ZNF486: variants seen among roughly 807,000 people sequenced by gnomAD.
The protein encoded by ZNF486 is KRAB box only protein 2.
Under a neutral mutation model 12.8 loss-of-function variants are expected in ZNF486, and 12 were observed. The ratio of observed to expected loss-of-function variants is 0.94; its 90% CI spans 0.60 to 1.52. The LOEUF is 1.52. Among genes scored for constraint, ZNF486 ranks in the 40% most tolerant of loss-of-function variants. The pLI, the probability that ZNF486 is intolerant of heterozygous loss-of-function variation, is 0.00. For missense variants in ZNF486, 738 were observed against 545.0 expected, an observed-to-expected ratio of 1.35 and a Z score of -3.53; for synonymous variants, 231 against 184.9, an observed-to-expected ratio of 1.25 and a Z score of -2.02.
chr19:20,183,718 A>G (rs1257450308), intron 1 of ZNF486, among the ~76,000 whole-genome samples: 2 of 152,064 alleles, frequency 1.3e-5, no homozygotes. Context: ...TATGCAGCTG[A>G]TATGCATAAA....
chr19:20,175,926 C>T (rs2089704822), intron 1 of ZNF486, among the ~76,000 whole-genome samples: 1 of 151,876 alleles, frequency 6.6e-6, no homozygotes, highest in Admixed American at 6.5e-5. Flanking sequence ...AGGCGCCCCT[C>T]ACCTCCCGGA....
At chr19:20,183,446 C>G (rs1242689856) in intron 1 of ZNF486, among the ~76,000 whole-genome samples, 1 of 152,172 alleles carries the variant, frequency 6.6e-6, no homozygotes, top group Non-Finnish European at 1.5e-5. Context: ...CTTAAAATTA[C>G]TACTAAAAAT....
At chr19:20,190,973 T>G (rs1327574282) in intron 3 of ZNF486, among the ~76,000 whole-genome samples, 1 of 152,166 alleles carries the variant, frequency 6.6e-6, no homozygotes, top group Non-Finnish European at 1.5e-5. Flanking sequence ...TACACTCTAT[T>G]AATTCAAATG....
At chr19:20,171,326 GACCCCCTTTT>G (rs2089645574) in intron 1 of ZNF486, among the ~76,000 whole-genome samples, 1 of 152,148 alleles carries the variant, frequency 6.6e-6, no homozygotes, top group African/African-American at 2.4e-5. Context: ...TCTGATTACA[GACCCCCTTTT>G]ATTGCAGCTA....
intron 1 of ZNF486, among the ~76,000 whole-genome samples, chr19:20,170,057 A>AT (rs1266860794): frequency 1.3e-5 from 2 of 150,900 alleles, no homozygotes; most frequent in Admixed American, 6.6e-5. Flanking sequence ...CGCCCGGCTA[A>AT]TTTTTTTGTA....
intron 1 of ZNF486, 106 bp downstream of exon 1, chr19:20,167,466 C>T: frequency 3.0e-6 from 4 of 1,333,140 alleles, no homozygotes; most frequent in Admixed American, 2.1e-5. Flanking sequence ...AATCTGCGTC[C>T]GGACTTCTCC....
At chr19:20,191,093 C>CTGA (rs2122672820) in intron 3 of ZNF486, among the ~76,000 whole-genome samples, 1 of 152,258 alleles carries the variant, frequency 6.6e-6, no homozygotes, top group East Asian at 1.9e-4. Flanking sequence ...TGTAAGTTTC[C>CTGA]TGAGGCCCTC....
chr19:20,177,934 T>C (rs2089740143), intron 1 of ZNF486, among the ~76,000 whole-genome samples: 1 of 150,392 alleles, frequency 6.6e-6, no homozygotes, highest in Non-Finnish European at 1.5e-5. Context: ...AAACATTTGT[T>C]CTTTTTTTTT....
At chr19:20,175,144 TTCA>T (rs1243564903) in intron 1 of ZNF486, 93 of 152,342 alleles carry the variant, frequency 6.1e-4, no homozygotes, top group African/African-American at 2.1e-3. Flanking sequence ...GCCACCTTTC[TTCA>T]TAATGCTCAT....
intron 1 of ZNF486, among the ~76,000 whole-genome samples, chr19:20,170,561 G>C (rs2089637933): frequency 6.6e-6 from 1 of 151,784 alleles, no homozygotes; most frequent in African/African-American, 2.4e-5. Flanking sequence ...GCAGCAGAGT[G>C]AGACTTCATC....
At chr19:20,174,236 A>G (rs1401082507) in intron 1 of ZNF486, among the ~76,000 whole-genome samples, 1 of 152,122 alleles carries the variant, frequency 6.6e-6, no homozygotes, top group Non-Finnish European at 1.5e-5. Context: ...TTATACTGCA[A>G]AAAGAAGAAC....
rs949340062 is a variant in ZNF486 at position 20,200,109 on chromosome 19, T to A, written c.*2007T>A. On this transcript the variant is annotated 3_prime_UTR_variant, in exon 4 of 4. Coordinates refer to ENST00000335117, the MANE Select transcript of ZNF486 (RefSeq NM_052852.4). ...AAGTGTATTTGTTTCCTTAAAAAAA[T>A]TTTTCTGAAAAGTGGGTAATGACAT... 34 of 151,956 alleles carry A rather than the reference T, an allele frequency of 2.2e-4. No homozygotes were observed. Among genetic ancestry groups the A allele is most frequent in the Non-Finnish European group, 4.1e-4 (28 of 68,014 alleles). The allele number at this position is 151,956 out of a possible 1,614,324, so 9.4% of individuals were successfully genotyped here.
chr19:20,187,756 G>T (rs1438995351), intron 3 of ZNF486, among the ~76,000 whole-genome samples: 2 of 152,018 alleles, frequency 1.3e-5, no homozygotes, highest in African/African-American at 4.8e-5. Flanking sequence ...ATCCGCCTCG[G>T]CCTCCCAAAG....
intron 2 of ZNF486, 67 bp from the exon 3 acceptor site, chr19:20,185,920 A>AGC (rs2089839140): frequency 4.2e-6 from 4 of 942,056 alleles, no homozygotes; most frequent in Non-Finnish European, 5.9e-6. Context: ...CTTTCTGCTG[A>AGC]GCACATTACT....
intron 1 of ZNF486, among the ~76,000 whole-genome samples, chr19:20,180,170 A>G (rs1036993457): frequency 3.9e-5 from 6 of 152,198 alleles, no homozygotes; most frequent in South Asian, 2.1e-4. Context: ...TAGGCTGACA[A>G]GAGTGGTTAA....
intron 1 of ZNF486, among the ~76,000 whole-genome samples, chr19:20,169,991 C>T (rs1234566203): frequency 3.3e-5 from 5 of 150,060 alleles, no homozygotes; most frequent in African/African-American, 7.4e-5. Context: ...CCCGGGTTCA[C>T]GCCATTCTCC....
intron 1 of ZNF486, among the ~76,000 whole-genome samples, chr19:20,175,852 C>A (rs1050065390): frequency 1.3e-5 from 2 of 152,232 alleles, no homozygotes; most frequent in African/African-American, 4.8e-5. Flanking sequence ...TTGGGTACAC[C>A]TCCCAGATGG....
At chr19:20,181,342 A>G (rs1176606091) in intron 1 of ZNF486, among the ~76,000 whole-genome samples, 1 of 152,142 alleles carries the variant, frequency 6.6e-6, no homozygotes, top group Non-Finnish European at 1.5e-5. Flanking sequence ...AATCGAGACC[A>G]TCCTGGCTAA....
rs535165302 is a variant in ZNF486, at chr19:20,169,959, C to A, written c.30+2599C>A. Among the ~76,000 whole-genome samples the A allele has an allele frequency of 2.1e-5, 3 of 145,998 alleles. No individual in the cohort carries two copies. The South Asian group carries it at 6.4e-4, about 31-fold the overall frequency. On this transcript the variant is annotated intron_variant, in intron 1 of 3. Transcript: ENST00000335117. ...AGGCTGGAGTGCAGTGGCGCGATCT[C>A]GGCTCACTGCAAGCTCCGCCTCCCG...
Sources: gnomAD v4.1 joint callset for allele counts (sites outside exome capture counted in the v4.1 genomes callset) on GRCh38, gnomAD v4.1.1 for gene constraint, MANE v1.5 for transcripts, NCBI Gene and HGNC (gene_info 2026-07-23, HGNC 2026-07-21) for gene names.